The following SNX9 variants were observed in gnomAD, a reference collection of about 807,000 sequenced individuals.
SNX9 encodes sorting nexin-9.
Under a neutral mutation model 89.4 loss-of-function variants are expected in SNX9, and 44 were observed. That is an observed-to-expected ratio of 0.49 (90% CI 0.39 to 0.63). The LOEUF is 0.63. Among genes scored for constraint, SNX9 ranks in the 30% least tolerant of loss-of-function variants. The pLI, the probability that SNX9 is intolerant of heterozygous loss-of-function variation, is 0.00. For missense variants in SNX9, 578 were observed against 736.1 expected, an observed-to-expected ratio of 0.79 and a Z score of 2.49; for synonymous variants, 236 against 247.8, an observed-to-expected ratio of 0.95 and a Z score of 0.45.
chr6:157,917,210 G>C (rs979903921), intron 9 of SNX9, among the ~76,000 whole-genome samples: 1 of 151,638 alleles, frequency 6.6e-6, no homozygotes, highest in African/African-American at 2.4e-5. Context: ...AAAGATGTTA[G>C]GTCTACTCCT....
chr6:157,873,517 A>G (rs1021325624), intron 3 of SNX9, among the ~76,000 whole-genome samples: 1 of 145,498 alleles, frequency 6.9e-6, no homozygotes, highest in Non-Finnish European at 1.5e-5. Flanking sequence ...TCAATAAGAT[A>G]TATGAAATTA....
intron 4 of SNX9, among the ~76,000 whole-genome samples, chr6:157,891,746 G>A (rs1380826356): frequency 6.6e-6 from 1 of 152,228 alleles, no homozygotes; most frequent in Non-Finnish European, 1.5e-5. Flanking sequence ...GCAGGCTGTG[G>A]GAAGGCCAGA....
At chr6:157,831,636 C>T (rs537881550) in intron 1 of SNX9, among the ~76,000 whole-genome samples, 1 of 152,338 alleles carries the variant, frequency 6.6e-6, no homozygotes, top group East Asian at 1.9e-4. Flanking sequence ...AGTCTCCCAG[C>T]GGGAAATCCT....
At chr6:157,921,797 A>G in intron 10 of SNX9, 136 bp downstream of exon 10, 1 of 1,019,288 alleles carries the variant, frequency 9.8e-7, no homozygotes, top group Non-Finnish European at 1.4e-6. Flanking sequence ...GGGGACAGAA[A>G]CCTAAATCCC....
chr6:157,886,043 ACGT>A, intron 4 of SNX9, among the ~76,000 whole-genome samples: 1 of 152,292 alleles, frequency 6.6e-6, no homozygotes, highest in East Asian at 1.9e-4. Flanking sequence ...AGACAGACAG[ACGT>A]CGTGGTGCCA....
chr6:157,879,098 C>G (rs532013735), intron 4 of SNX9, among the ~76,000 whole-genome samples: 1 of 152,274 alleles, frequency 6.6e-6, no homozygotes, highest in East Asian at 1.9e-4. Context: ...CTTTTCGGGG[C>G]TGGTTCGGTA....
intron 9 of SNX9, among the ~76,000 whole-genome samples, chr6:157,915,721 A>G (rs1218161345): frequency 6.8e-6 from 1 of 146,860 alleles, no homozygotes; most frequent in Non-Finnish European, 1.5e-5. Context: ...GCTACTCAGG[A>G]GGCTGAGTCA....
intron 1 of SNX9, among the ~76,000 whole-genome samples, chr6:157,859,581 GA>G (rs1297952579): frequency 1.3e-5 from 2 of 152,180 alleles, no homozygotes; most frequent in African/African-American, 4.8e-5. Context: ...TGAAGCTGTA[GA>G]AAAATGTTAC....
At chr6:157,883,475 T>C (rs974881174) in intron 4 of SNX9, among the ~76,000 whole-genome samples, 3 of 152,198 alleles carry the variant, frequency 2.0e-5, no homozygotes, top group Admixed American at 2.0e-4. Flanking sequence ...GGTCTTTGTG[T>C]ATCAGAGTTA....
At chr6:157,846,502 T>C (rs533001597) in intron 1 of SNX9, among the ~76,000 whole-genome samples, 6 of 152,376 alleles carry the variant, frequency 3.9e-5, no homozygotes, top group African/African-American at 1.4e-4. Flanking sequence ...TATGTATTTA[T>C]GTCGATGACC....
intron 9 of SNX9, among the ~76,000 whole-genome samples, chr6:157,915,640 A>AAAATATATAT (rs1472422303): frequency 1.1e-5 from 1 of 95,172 alleles, no homozygotes; most frequent in Non-Finnish European, 2.1e-5. Flanking sequence ...AAAAAAAAAA[A>AAAATATATAT]ATATATATAT....
chr6:157,835,660 T>C (rs1034127968), intron 1 of SNX9, among the ~76,000 whole-genome samples: 5 of 152,162 alleles, frequency 3.3e-5, no homozygotes, highest in African/African-American at 1.2e-4. Flanking sequence ...CGGGGTCGAT[T>C]TCCCCCATGC....
At chr6:157,871,097 G>A (rs1438888530) in intron 2 of SNX9, among the ~76,000 whole-genome samples, 2 of 152,214 alleles carry the variant, frequency 1.3e-5, no homozygotes, top group African/African-American at 4.8e-5. Context: ...AAAAAGAATC[G>A]GCCAGGTGCA....
intron 6 of SNX9, 63 bp from the exon 7 acceptor site, chr6:157,906,065 G>A (rs1244213719): frequency 2.2e-5 from 31 of 1,379,456 alleles, no homozygotes; most frequent in East Asian, 1.4e-4. Context: ...AAATGTAGAC[G>A]AGAGTTGTAA....
At chr6:157,872,634 T>C (rs1207961255) in intron 2 of SNX9, 1 of 152,626 alleles carries the variant, frequency 6.6e-6, no homozygotes, top group African/African-American at 2.4e-5. Flanking sequence ...TTAATTCGTA[T>C]AGCGACTTGG....
In SNX9 at chr6:157,896,819, C is replaced by G. The variant is rs1442100122; in HGVS notation, c.301-8C>G. 55 of 1,612,116 alleles carry G rather than the reference C, an allele frequency of 3.4e-5. No homozygotes were observed. Among genetic ancestry groups the G allele is most frequent in the Non-Finnish European group, 4.5e-5 (53 of 1,179,618 alleles). The stretch of plus-strand genomic sequence containing the variant: ...AAAAATTCTCCTTCTTTTTACCCCT[C>G]TCAATAGGTTGGCAGTGGCAATGAC... On this transcript the variant is annotated splice_polypyrimidine_tract_variant and splice_region_variant and intron_variant, in intron 4 of 17. Transcript: ENST00000392185.
Position 157,944,981 on chromosome 6 carries a change from T to TA in SNX9, c.*2144dup, listed in dbSNP as rs1183880041. ...TCACATGCACCATTTGGTTCTTAGA[T>TA]ACGTTGATGTTTTGATTTTTAATGA... is the stretch of plus-strand genomic sequence containing the variant. On this transcript the variant is annotated 3_prime_UTR_variant, in exon 18 of 18. Coordinates refer to ENST00000392185, the MANE Select transcript of SNX9 (RefSeq NM_016224.5). The TA allele has an allele frequency of 1.3e-5, 2 of 152,224 alleles. No homozygotes were observed. Among genetic ancestry groups the TA allele is most frequent in the African/African-American group, 4.8e-5 (2 of 41,456 alleles). The allele number at this position is 152,224 out of a possible 1,614,324, so 9.4% of individuals were successfully genotyped here. A position where few individuals can be genotyped will look rare whatever the true frequency, so the allele number is the denominator to read the frequency against.
chr6:157,889,027 A>G (rs931344670), intron 4 of SNX9, among the ~76,000 whole-genome samples: 4 of 152,184 alleles, frequency 2.6e-5, no homozygotes, highest in African/African-American at 9.7e-5. Flanking sequence ...AAGGAAAGAA[A>G]CGAAGAGGCA....
At chr6:157,882,672 T>C (rs988474571) in intron 4 of SNX9, among the ~76,000 whole-genome samples, 3 of 152,172 alleles carry the variant, frequency 2.0e-5, no homozygotes, top group Non-Finnish European at 4.4e-5. Context: ...ATGAAGGAAG[T>C]AACTGCAGAT....
Sources: allele counts gnomAD v4.1 joint callset (sites outside exome capture counted in the v4.1 genomes callset), GRCh38; gene constraint gnomAD v4.1.1; transcripts MANE v1.5; gene names NCBI Gene and HGNC (gene_info 2026-07-23, HGNC 2026-07-21).